RERE: variants seen among roughly 807,000 people sequenced by gnomAD.
RERE encodes the protein arginine-glutamic acid dipeptide repeats.
In RERE, 40 loss-of-function variants were observed where a neutral mutation model predicts 146.1. The observed-to-expected ratio is 0.27, with a 90% confidence interval of 0.21 to 0.36. The LOEUF is 0.36. RERE is among the 10% of genes least tolerant of loss of function. The pLI is 1.00. For missense variants in RERE, 1,933 were observed against 2,138.7 expected, an observed-to-expected ratio of 0.90 and a Z score of 1.90; for synonymous variants, 1,003 against 866.0, an observed-to-expected ratio of 1.16 and a Z score of -2.78.
At position 8,629,400 on chromosome 1, in the gene RERE, G is replaced by A. The variant is rs1647009602; in HGVS notation, c.326-5020C>T. The stretch of plus-strand genomic sequence containing the variant: ...TCTCACAACCTCAGCATAGCTTCAT[G>A]TCCAAAGATCTATTGTGCCATCTGT... On this transcript the variant is annotated intron_variant, in intron 2 of 22. Coordinates refer to ENST00000400908, the MANE Select transcript of RERE (RefSeq NM_001042681.2). 2.0e-5 allele frequency among the ~76,000 whole-genome samples: 3 copies of A among 152,308 alleles called. No homozygotes were observed. In the South Asian group the frequency reaches 6.2e-4, roughly 32 times the overall value.
intron 1 of RERE, among the ~76,000 whole-genome samples, chr1:8,758,876 AATAC>A (rs1357658423): frequency 6.6e-6 from 1 of 152,202 alleles, no homozygotes; most frequent in Non-Finnish European, 1.5e-5. Context: ...AATGTGAAGT[AATAC>A]ATATACTCAT....
chr1:8,376,063 A>C (rs1255751101), intron 12 of RERE, among the ~76,000 whole-genome samples: 1 of 152,238 alleles, frequency 6.6e-6, no homozygotes, highest in African/African-American at 2.4e-5. Flanking sequence ...GGCCAAGCTC[A>C]GTTTCAATGA....
chr1:8,604,532 G>A (rs552635419), intron 4 of RERE, among the ~76,000 whole-genome samples: 1 of 148,502 alleles, frequency 6.7e-6, no homozygotes, highest in East Asian at 2.0e-4. Context: ...TGTTGTGGGG[G>A]AAGAGGAGGT....
At chr1:8,576,941 A>G (rs1184319426) in intron 4 of RERE, among the ~76,000 whole-genome samples, 1 of 152,176 alleles carries the variant, frequency 6.6e-6, no homozygotes, top group Admixed American at 6.5e-5. Context: ...AGGCCGAGGC[A>G]GGCAGATCAC....
At chr1:8,527,440 T>TA (rs994263923) in intron 7 of RERE, among the ~76,000 whole-genome samples, 44 of 151,010 alleles carry the variant, frequency 2.9e-4, no homozygotes, top group South Asian at 1.9e-3. Context: ...GTGTATATAT[T>TA]AAAAAAAAAC....
chr1:8,525,937 G>A, intron 7 of RERE: 4 of 1,354,864 alleles, frequency 3.0e-6, no homozygotes, highest in Non-Finnish European at 3.8e-6. Flanking sequence ...TATGACCTAA[G>A]CCTTCACGCA....
intron 7 of RERE, among the ~76,000 whole-genome samples, chr1:8,518,293 T>A (rs1158088788): frequency 1.3e-5 from 2 of 152,160 alleles, no homozygotes; most frequent in African/African-American, 4.8e-5. Context: ...GTCCTAACAG[T>A]CGTGTAGCCT....
chr1:8,466,892 A>G (rs1644605409), intron 10 of RERE, among the ~76,000 whole-genome samples: 1 of 152,206 alleles, frequency 6.6e-6, no homozygotes, highest in Non-Finnish European at 1.5e-5. Flanking sequence ...TCCAACTTGC[A>G]GATAATGTAG....
At chr1:8,698,304 C>T (rs867818978) in intron 1 of RERE, among the ~76,000 whole-genome samples, 1 of 152,102 alleles carries the variant, frequency 6.6e-6, no homozygotes, top group Admixed American at 6.5e-5. Context: ...AAAGGAGGTA[C>T]TTTCACTGTC....
At chr1:8,572,579 T>C in intron 4 of RERE, among the ~76,000 whole-genome samples, 1 of 152,312 alleles carries the variant, frequency 6.6e-6, no homozygotes, top group East Asian at 1.9e-4. Context: ...AATTTCAAAT[T>C]AGATCTGAGA....
At chr1:8,519,683 A>G (rs979506833) in intron 7 of RERE, 4 of 152,196 alleles carry the variant, frequency 2.6e-5, no homozygotes, top group African/African-American at 9.7e-5. Context: ...TAATCCTGCT[A>G]TTATGAGTTC....
chr1:8,448,581 A>G (rs549559901), intron 11 of RERE, among the ~76,000 whole-genome samples: 2 of 152,204 alleles, frequency 1.3e-5, no homozygotes, highest in Admixed American at 1.3e-4. Context: ...ACATGGTGAA[A>G]CTCCATCTCT....
At chr1:8,560,476 G>A (rs1646064536) in intron 4 of RERE, among the ~76,000 whole-genome samples, 1 of 152,164 alleles carries the variant, frequency 6.6e-6, no homozygotes. Flanking sequence ...TACAGGGTAG[G>A]GAAGATGGCC....
chr1:8,567,596 T>G (rs1646167790), intron 4 of RERE, among the ~76,000 whole-genome samples: 1 of 152,220 alleles, frequency 6.6e-6, no homozygotes, highest in Admixed American at 6.5e-5. Flanking sequence ...GCATGAAAAC[T>G]AAATCATCTC....
chr1:8,632,294 G>C (rs768141684), intron 2 of RERE, among the ~76,000 whole-genome samples: 8 of 152,134 alleles, frequency 5.3e-5, no homozygotes, highest in Non-Finnish European at 1.0e-4. Flanking sequence ...TGATCTTCTG[G>C]TGTCACATCC....
rs577740246 is a variant in RERE at position 8,594,680 on chromosome 1, A to G, written c.522+19881T>C. Among the ~76,000 whole-genome samples, 4 of 152,308 alleles carry G rather than the reference A, an allele frequency of 2.6e-5. No homozygotes were observed. The South Asian group carries it at 6.2e-4, about 24-fold the overall frequency. On this transcript the variant is annotated intron_variant, in intron 4 of 22. Coordinates refer to ENST00000400908, the MANE Select transcript of RERE (RefSeq NM_001042681.2). ...AATATATTAATAAATAATAATGTTT[A>G]AGACAGTTTGAATAATAATGTCATG...
At chr1:8,469,924 G>A (rs1557646264) in intron 10 of RERE, among the ~76,000 whole-genome samples, 2 of 152,296 alleles carry the variant, frequency 1.3e-5, no homozygotes, top group East Asian at 3.9e-4. Context: ...TGAGCTTAAT[G>A]GGGAAAGAGG....
intron 7 of RERE, among the ~76,000 whole-genome samples, chr1:8,520,161 A>C (rs1284603236): frequency 6.6e-6 from 1 of 152,224 alleles, no homozygotes; most frequent in Admixed American, 6.5e-5. Flanking sequence ...AAAGGCCAAC[A>C]CAAGAACTTG....
chr1:8,567,637 T>C (rs1364617181), intron 4 of RERE, among the ~76,000 whole-genome samples: 1 of 152,200 alleles, frequency 6.6e-6, no homozygotes, highest in Non-Finnish European at 1.5e-5. Context: ...CAAAACTCAT[T>C]AAGGATTTTC....
Sources: allele counts gnomAD v4.1 joint callset (sites outside exome capture counted in the v4.1 genomes callset), GRCh38; gene constraint gnomAD v4.1.1; transcripts MANE v1.5; gene names NCBI Gene and HGNC (gene_info 2026-07-23, HGNC 2026-07-21).